Variants in NAV3 observed in about 807,000 individuals in gnomAD.
NAV3 encodes pore membrane and/or filament interacting like protein 1.
Under a neutral mutation model 244.7 loss-of-function variants are expected in NAV3, and 87 were observed. That is an observed-to-expected ratio of 0.36 (90% CI 0.30 to 0.42). NAV3 has a LOEUF of 0.42. Among genes scored for constraint, NAV3 ranks in the 20% least tolerant of loss-of-function variants. The pLI, the probability that NAV3 is intolerant of heterozygous loss-of-function variation, is 1.00. For synonymous variants in NAV3, 1,126 were observed against 1,042.2 expected, an observed-to-expected ratio of 1.08 and a Z score of -1.55; for missense variants, 2,663 against 2,893.3, an observed-to-expected ratio of 0.92 and a Z score of 1.83.
chr12:78,001,190 T>A (rs1873237125), intron 7 of NAV3, among the ~76,000 whole-genome samples: 1 of 152,168 alleles, frequency 6.6e-6, no homozygotes, highest in Non-Finnish European at 1.5e-5. Flanking sequence ...TTAAGAACTT[T>A]TAAAACTTAC....
chr12:78,138,420 A>T (rs1297675820), intron 19 of NAV3, among the ~76,000 whole-genome samples: 5 of 152,102 alleles, frequency 3.3e-5, no homozygotes, highest in African/African-American at 1.2e-4. Flanking sequence ...GGGGTTAGGC[A>T]GCAATGAAAA....
chr12:77,926,285 T>C (rs1374476286), intron 1 of NAV3, among the ~76,000 whole-genome samples: 2 of 152,186 alleles, frequency 1.3e-5, no homozygotes, highest in African/African-American at 4.8e-5. Flanking sequence ...ATATCTATCT[T>C]TGTCACTAAC....
intron 33 of NAV3, among the ~76,000 whole-genome samples, chr12:78,189,376 TATG>T (rs904358816): frequency 3.1e-4 from 47 of 152,026 alleles, no homozygotes; most frequent in African/African-American, 1.0e-3. Context: ...TATTTGATTT[TATG>T]ATGAAGGTAA....
At chr12:78,128,951 C>T in intron 18 of NAV3, 85 bp downstream of exon 18, 1 of 1,295,704 alleles carries the variant, frequency 7.7e-7, no homozygotes, top group Non-Finnish European at 1.1e-6. Context: ...CATAACACAA[C>T]ACGTTTTCAT....
chr12:78,115,165 C>T (rs1955311169), intron 12 of NAV3, among the ~76,000 whole-genome samples: 2 of 152,178 alleles, frequency 1.3e-5, no homozygotes, highest in Non-Finnish European at 2.9e-5. Flanking sequence ...TGAATATTCT[C>T]ATCAATGTAC....
Position 78,054,969 on chromosome 12 carries a change from G to A in NAV3, c.2516+3822G>A, listed in dbSNP as rs1593410104. Among the ~76,000 whole-genome samples, 3 of 152,172 alleles carry A rather than the reference G, an allele frequency of 2.0e-5. No individual in the cohort carries two copies. In the East Asian group the frequency reaches 5.8e-4, roughly 29 times the overall value. On this transcript the variant is annotated intron_variant, in intron 11 of 39. Coordinates refer to ENST00000397909, the MANE Select transcript of NAV3 (RefSeq NM_001024383.2). ...ATAAAAGAGAGCAGGAATTGTGGGA[G>A]GCATTAAGGCTCCTGGGAAAAGAAT...
At chr12:77,898,116 A>G (rs1884836655) in intron 1 of NAV3, among the ~76,000 whole-genome samples, 1 of 152,188 alleles carries the variant, frequency 6.6e-6, no homozygotes. Context: ...GAAATTAACT[A>G]CCTAGACGAA....
In NAV3 at chr12:77,819,506, G is replaced by C. The variant is rs1319170890; in HGVS notation, c.73-120813G>C. 3.5e-5 allele frequency among the ~76,000 whole-genome samples: 5 copies of C among 144,636 alleles called. No individual in the cohort carries two copies. The Admixed American group carries it at 3.5e-4, about 10-fold the overall frequency. 94.9% of individuals were successfully genotyped at this position (144,636 alleles called of 152,430 possible). On this transcript the variant is annotated intron_variant, in intron 2 of 8. Coordinates refer to the NAV3 transcript ENST00000550042. The stretch of plus-strand genomic sequence containing the variant: ...TCTTCAATTCACTAAAATGTAGCTA[G>C]TGAATAAAGTAAAATAAGAGTTAAG...
chr12:77,867,795 G>C (rs778156879), intron 1 of NAV3, among the ~76,000 whole-genome samples: 3 of 152,138 alleles, frequency 2.0e-5, no homozygotes, highest in Non-Finnish European at 2.9e-5. Flanking sequence ...CATTGTGTTA[G>C]AGTGGACCAG....
intron 1 of NAV3, among the ~76,000 whole-genome samples, chr12:77,894,491 T>C (rs1884335589): frequency 6.6e-6 from 1 of 152,034 alleles, no homozygotes; most frequent in South Asian, 2.1e-4. Context: ...AACAATAAGC[T>C]ACCCATAATA....
intron 2 of NAV3, among the ~76,000 whole-genome samples, chr12:77,664,250 C>G (rs2137049603): frequency 6.6e-6 from 1 of 152,172 alleles, no homozygotes; most frequent in East Asian, 1.9e-4. Flanking sequence ...AAAATAATTC[C>G]TTTAAATATC....
chr12:77,750,081 C>T (rs563487774), intron 2 of NAV3, among the ~76,000 whole-genome samples: 5 of 152,180 alleles, frequency 3.3e-5, no homozygotes, highest in South Asian at 2.1e-4. Flanking sequence ...TGGCTAGGTG[C>T]GGTGGCTTAC....
chr12:78,156,088 A>G (rs1390354896), intron 22 of NAV3, among the ~76,000 whole-genome samples: 4 of 152,006 alleles, frequency 2.6e-5, no homozygotes, highest in Admixed American at 2.6e-4. Context: ...GTCTTGAATA[A>G]TATTGCCCAG....
At chr12:78,043,023 G>A (rs1205872416) in intron 9 of NAV3, among the ~76,000 whole-genome samples, 3 of 151,874 alleles carry the variant, frequency 2.0e-5, no homozygotes, top group African/African-American at 7.3e-5. Flanking sequence ...GTGGTCGTTT[G>A]CTGCACCCAT....
chr12:78,059,266 T>G, intron 12 of NAV3, 151 bp downstream of exon 12: 1 of 782,000 alleles, frequency 1.3e-6, no homozygotes, highest in Non-Finnish European at 1.8e-6. Context: ...TTATTTAGGG[T>G]TTTTTTGTTT....
intron 12 of NAV3, among the ~76,000 whole-genome samples, chr12:78,081,131 T>C (rs539335668): frequency 2.6e-5 from 4 of 152,322 alleles, no homozygotes; most frequent in Non-Finnish European, 5.9e-5. Context: ...CTTTAATGTA[T>C]ATATTAAATA....
chr12:77,779,333 G>T (rs1356299811), intron 2 of NAV3, among the ~76,000 whole-genome samples: 1 of 152,132 alleles, frequency 6.6e-6, no homozygotes, highest in Non-Finnish European at 1.5e-5. Context: ...CCAGTAAAAT[G>T]GACTTATTCC....
At chr12:77,681,879 G>A (rs552378429) in intron 2 of NAV3, among the ~76,000 whole-genome samples, 1 of 152,218 alleles carries the variant, frequency 6.6e-6, no homozygotes, top group South Asian at 2.1e-4. Flanking sequence ...AAGTAAAAAT[G>A]GTATACATTT....
chr12:77,783,786 T>C (rs1870781341), intron 2 of NAV3, among the ~76,000 whole-genome samples: 1 of 152,154 alleles, frequency 6.6e-6, no homozygotes, highest in Admixed American at 6.5e-5. Flanking sequence ...TTAATATGCC[T>C]GGAGTGCAGA....
Sources: gnomAD v4.1 joint callset for allele counts (sites outside exome capture counted in the v4.1 genomes callset) on GRCh38, gnomAD v4.1.1 for gene constraint, MANE v1.5 for transcripts, NCBI Gene and HGNC (gene_info 2026-07-23, HGNC 2026-07-21) for gene names.